The following HDDC2 variants were observed in gnomAD, a reference collection of about 807,000 sequenced individuals.
HDDC2 encodes the protein 5'-deoxynucleotidase HDDC2.
Under a neutral mutation model 25.5 loss-of-function variants are expected in HDDC2, and 25 were observed. The observed-to-expected ratio is 0.98, with a 90% CI of 0.72 to 1.37. The LOEUF (loss-of-function observed/expected upper bound fraction) is 1.37, where lower values mean the gene tolerates loss of function less well. HDDC2 is among the 40% of genes most tolerant of loss of function. HDDC2 has a pLI of 0.00. For missense variants in HDDC2, 264 were observed against 253.1 expected, an observed-to-expected ratio of 1.04 and a Z score of -0.29; for synonymous variants, 106 against 89.7, an observed-to-expected ratio of 1.18 and a Z score of -1.03.
rs1374522141 is a variant in HDDC2 at position 125,276,023 on chromosome 6, C to T, written c.*123G>A. The T allele has an allele frequency of 2.5e-5, 18 of 722,038 alleles. No homozygotes were observed. Among genetic ancestry groups the T allele is most frequent in the Middle Eastern group, 2.6e-4 (1 of 3,776 alleles). The allele number at this position is 722,038 out of a possible 1,614,324, so 44.7% of individuals were successfully genotyped here. Reference sequence around the variant, plus strand: ...TTGTATCACATTTCTTGCTGAAGTTCAGACAATTGAAAACAAACAGACTCA... The same window carrying T: ...TTGTATCACATTTCTTGCTGAAGTTTAGACAATTGAAAACAAACAGACTCA... On this transcript the variant is annotated 3_prime_UTR_variant, in exon 6 of 6. Transcript: ENST00000398153.
intron 4 of HDDC2, among the ~76,000 whole-genome samples, chr6:125,283,569 G>C (rs749099512): frequency 2.0e-5 from 3 of 152,104 alleles, no homozygotes; most frequent in Non-Finnish European, 4.4e-5. Context: ...ATTTACAATT[G>C]CTAGAAAGAG....
At chr6:125,295,682 T>C (rs1195762557) in intron 3 of HDDC2, among the ~76,000 whole-genome samples, 1 of 152,250 alleles carries the variant, frequency 6.6e-6, no homozygotes, top group Non-Finnish European at 1.5e-5. Context: ...ACTTACTCTA[T>C]GATAAAGTTC....
intron 4 of HDDC2, chr6:125,278,413 G>C (rs1386569879): frequency 6.6e-6 from 1 of 152,084 alleles, no homozygotes. Flanking sequence ...TCTGTTGAAA[G>C]TGAGAAAAAT....
rs1016892051 is a variant in HDDC2 at position 125,292,730 on chromosome 6, C to G, written c.378+111G>C. ...AAGTGAGAAACAGACACAAACCAGA[C>G]AGTAATAAGTTAGGGACCGCTTGTT... On this transcript the variant is annotated intron_variant, in intron 4 of 5. Transcript: ENST00000398153. The G allele has an allele frequency of 5.3e-5, 43 of 812,232 alleles. No individual in the cohort carries two copies. The African/African-American group carries it at 6.8e-4, about 13-fold the overall frequency. The allele number at this position is 812,232 out of a possible 1,614,324, so 50.3% of individuals were successfully genotyped here. A position where few individuals can be genotyped will look rare whatever the true frequency, so the allele number is the denominator to read the frequency against.
chr6:125,298,119 G>A (rs1388574627), intron 3 of HDDC2, among the ~76,000 whole-genome samples: 1 of 151,714 alleles, frequency 6.6e-6, no homozygotes, highest in Non-Finnish European at 1.5e-5. Context: ...GGGAGAGGGG[G>A]GTTAAAAAAA....
intron 4 of HDDC2, among the ~76,000 whole-genome samples, chr6:125,287,834 T>G (rs1396634665): frequency 1.3e-5 from 2 of 152,022 alleles, no homozygotes; most frequent in African/African-American, 4.8e-5. Context: ...ACCGGAGGGA[T>G]GAGGTTTTCA....
intron 4 of HDDC2, among the ~76,000 whole-genome samples, chr6:125,289,534 AC>A (rs1798599552): frequency 1.3e-5 from 2 of 151,598 alleles, no homozygotes; most frequent in African/African-American, 2.4e-5. Context: ...CAAAAAAAAA[AC>A]ATTTCCTTCT....
chr6:125,285,251 C>A (rs1397147052), intron 4 of HDDC2, among the ~76,000 whole-genome samples: 3 of 151,898 alleles, frequency 2.0e-5, no homozygotes, highest in African/African-American at 7.3e-5. Flanking sequence ...CACCATGCCA[C>A]ATGTATACCT....
chr6:125,286,725 G>A (rs1434543403), intron 4 of HDDC2, among the ~76,000 whole-genome samples: 2 of 152,108 alleles, frequency 1.3e-5, no homozygotes, highest in African/African-American at 4.8e-5. Flanking sequence ...AGGAGGTCAG[G>A]GTGGAACATG....
chr6:125,300,597 G>A lies in HDDC2; in HGVS notation c.147C>T (p.His49=). 1 of 1,614,136 alleles carries A rather than the reference G, an allele frequency of 6.2e-7. No homozygotes were observed. The highest frequency in any genetic ancestry group is 8.5e-7 in the Non-Finnish European group (1 of 1,180,008). The change falls in exon 2 of 6, where the codon CAC becomes CAT. Residue 49 remains histidine, a synonymous_variant. Coordinates refer to ENST00000398153, the MANE Select transcript of HDDC2 (RefSeq NM_016063.3). Reference sequence around the variant, plus strand: ...TAGCCATAACTGCCATCCGGTACATGTGATCTGAAACGCTCTCCGGCCTCT... The same window carrying A: ...TAGCCATAACTGCCATCCGGTACATATGATCTGAAACGCTCTCCGGCCTCT... ...NVQRPESVSD[H]MYRMAVMAMV...
chr6:125,279,532 G>C (rs1345909520), intron 4 of HDDC2: 1 of 152,084 alleles, frequency 6.6e-6, no homozygotes, highest in East Asian at 1.9e-4. Context: ...AATGCAACTT[G>C]TTCTCACCAC....
chr6:125,287,877 G>C (rs1798565600), intron 4 of HDDC2, among the ~76,000 whole-genome samples: 1 of 152,224 alleles, frequency 6.6e-6, no homozygotes, highest in African/African-American at 2.4e-5. Context: ...TGCCGCCACA[G>C]TGTCAGGCAG....
At chr6:125,291,066 G>A (rs1015726132) in intron 4 of HDDC2, among the ~76,000 whole-genome samples, 1 of 152,158 alleles carries the variant, frequency 6.6e-6, no homozygotes, top group Admixed American at 6.5e-5. Flanking sequence ...ATACAAGAGT[G>A]TTTCCCCCTT....
intron 4 of HDDC2, among the ~76,000 whole-genome samples, chr6:125,280,120 C>T (rs1298899434): frequency 6.6e-6 from 1 of 152,276 alleles, no homozygotes; most frequent in East Asian, 1.9e-4. Flanking sequence ...TGTCGCCTCA[C>T]CCAGGAAGCG....
chr6:125,276,342 C>G (rs1016073059), intron 5 of HDDC2, 99 bp from the exon 6 acceptor site: 1 of 853,314 alleles, frequency 1.2e-6, no homozygotes, highest in Non-Finnish European at 1.9e-6. Flanking sequence ...GGGCTCTAGT[C>G]TACGATCTGA....
At chr6:125,282,117 G>A (rs990883877) in intron 4 of HDDC2, among the ~76,000 whole-genome samples, 9 of 152,182 alleles carry the variant, frequency 5.9e-5, no homozygotes, top group East Asian at 3.9e-4. Flanking sequence ...AGGCCCAGGC[G>A]GGCAGATCAT....
chr6:125,298,666 A>G, intron 3 of HDDC2, 48 bp downstream of exon 3: 1 of 1,394,628 alleles, frequency 7.2e-7, no homozygotes, highest in Non-Finnish European at 1.0e-6. Flanking sequence ...TTGCTTCAGC[A>G]AGAGGTTTTT....
intron 4 of HDDC2, among the ~76,000 whole-genome samples, chr6:125,280,037 A>G (rs190550153): frequency 1.6e-4 from 25 of 152,320 alleles, no homozygotes; most frequent in African/African-American, 6.0e-4. Flanking sequence ...CAACTGGGGT[A>G]TCCGGTTCAT....
chr6:125,289,502 A>C (rs1163902973), intron 4 of HDDC2, among the ~76,000 whole-genome samples: 1 of 129,078 alleles, frequency 7.7e-6, no homozygotes, highest in African/African-American at 3.8e-5. Flanking sequence ...AAATTAAAAA[A>C]AACAAAACAA....
Sources: gnomAD v4.1 joint callset for allele counts (sites outside exome capture counted in the v4.1 genomes callset) on GRCh38, gnomAD v4.1.1 for gene constraint, MANE v1.5 for transcripts, NCBI Gene and HGNC (gene_info 2026-07-23, HGNC 2026-07-21) for gene names.